The following TRMT11 variants were observed in gnomAD, a reference collection of about 807,000 sequenced individuals.
TRMT11 encodes tRNA methyltransferase 11.
In TRMT11, 53 loss-of-function variants were observed where a neutral mutation model predicts 62.8. The ratio of observed to expected loss-of-function variants is 0.84; its 90% CI spans 0.68 to 1.06. TRMT11 has a LOEUF of 1.06. Among genes scored for constraint, TRMT11 ranks in the 50% least tolerant of loss-of-function variants. The pLI, the probability that TRMT11 is intolerant of heterozygous loss-of-function variation, is 0.00. For synonymous variants in TRMT11, 188 were observed against 190.3 expected (o/e 0.99, Z 0.10); for missense variants, 556 against 553.4 (o/e 1.00, Z -0.05).
intron 9 of TRMT11, among the ~76,000 whole-genome samples, chr6:126,011,786 G>A (rs907766643): frequency 1.3e-5 from 2 of 151,998 alleles, no homozygotes; most frequent in African/African-American, 4.8e-5. Context: ...TTGCAATTAT[G>A]GTGTCAAATT....
intron 21 of TRMT11, among the ~76,000 whole-genome samples, chr6:126,151,886 T>TC: frequency 5.0e-5 from 4 of 79,818 alleles, no homozygotes; most frequent in African/African-American, 7.4e-5. Context: ...CCTTCCTTCC[T>TC]TGTCTTTTTC....
chr6:126,220,824 G>A, the TRMT11 span, among the ~76,000 whole-genome samples: 1 of 151,822 alleles, frequency 6.6e-6, no homozygotes, highest in South Asian at 2.1e-4. Context: ...TAAATTGCAT[G>A]TCATGGGGTT....
the TRMT11 span, among the ~76,000 whole-genome samples, chr6:126,217,634 G>C: frequency 6.6e-6 from 1 of 152,192 alleles, no homozygotes; most frequent in Non-Finnish European, 1.5e-5. Context: ...GGAGCTGGGG[G>C]AGGGGTGACA....
At chr6:126,205,735 A>C (rs1449512602), downstream of TRMT11, among the ~76,000 whole-genome samples, 2 of 152,104 alleles carry the variant, frequency 1.3e-5, no homozygotes, top group Non-Finnish European at 2.9e-5. Flanking sequence ...GTGTATTCTT[A>C]TCTCTCTTTC....
chr6:125,990,621 C>A (rs2128733650), intron 1 of TRMT11, among the ~76,000 whole-genome samples: 1 of 152,240 alleles, frequency 6.6e-6, no homozygotes, highest in South Asian at 2.1e-4. Context: ...AATTAGATGG[C>A]CAGCTTTTCT....
chr6:126,021,606 T>TA (rs1795819395), intron 12 of TRMT11, among the ~76,000 whole-genome samples: 1 of 152,206 alleles, frequency 6.6e-6, no homozygotes, highest in African/African-American at 2.4e-5. Flanking sequence ...ATGTCCTAGT[T>TA]ACCATTTTTC....
At chr6:126,082,803 T>A (rs1227938590) in intron 17 of TRMT11, among the ~76,000 whole-genome samples, 1 of 152,104 alleles carries the variant, frequency 6.6e-6, no homozygotes, top group Non-Finnish European at 1.5e-5. Flanking sequence ...TTTCAACAGA[T>A]AAAGAAGCAG....
chr6:126,009,542 A>G (rs1793871610), intron 8 of TRMT11: 1 of 151,972 alleles, frequency 6.6e-6, no homozygotes, highest in Non-Finnish European at 1.5e-5. Context: ...CCTTTTCCTC[A>G]CCCAGTATAA....
chr6:126,149,398 T>C (rs1461014197), intron 21 of TRMT11, among the ~76,000 whole-genome samples: 1 of 152,218 alleles, frequency 6.6e-6, no homozygotes, highest in Non-Finnish European at 1.5e-5. Flanking sequence ...GGGGTCATCT[T>C]ATGGGGCATC....
chr6:126,134,629 G>A (rs968789021), intron 21 of TRMT11, among the ~76,000 whole-genome samples: 2 of 151,820 alleles, frequency 1.3e-5, no homozygotes, highest in African/African-American at 2.4e-5. Flanking sequence ...TGACTGTATT[G>A]TAGATTAAAT....
intron 17 of TRMT11, among the ~76,000 whole-genome samples, chr6:126,108,386 T>TTAACA (rs1308187842): frequency 2.0e-5 from 3 of 152,248 alleles, no homozygotes; most frequent in African/African-American, 7.2e-5. Context: ...TATGAAGTTC[T>TTAACA]TAACATATTT....
intron 17 of TRMT11, among the ~76,000 whole-genome samples, chr6:126,112,099 G>C (rs1172130716): frequency 6.6e-6 from 1 of 152,086 alleles, no homozygotes; most frequent in African/African-American, 2.4e-5. Context: ...GCCCAAACTG[G>C]AGTATATTCT....
chr6:125,995,288 G>A (rs1182062122), intron 2 of TRMT11, among the ~76,000 whole-genome samples: 3 of 152,140 alleles, frequency 2.0e-5, no homozygotes, highest in South Asian at 2.1e-4. Context: ...GGAGAGTGCG[G>A]ATATAATTGG....
At chr6:126,230,707 G>A in the TRMT11 span, among the ~76,000 whole-genome samples, 1 of 152,048 alleles carries the variant, frequency 6.6e-6, no homozygotes, top group Admixed American at 6.5e-5. Flanking sequence ...GGTGGTATGC[G>A]ACTTTCACCA....
intron 1 of TRMT11, among the ~76,000 whole-genome samples, chr6:125,987,667 A>G (rs1228385078): frequency 6.6e-6 from 1 of 152,196 alleles, no homozygotes; most frequent in Non-Finnish European, 1.5e-5. Flanking sequence ...AGAGGATGGG[A>G]TAGACTGGGA....
In TRMT11 at chr6:126,163,426, T is replaced by C. The variant is rs558695962; in HGVS notation, c.*1824-11399T>C. ...GCCGACTTGATCATGGTGGATAAGC[T>C]TTTTAATGTGCTGCTGGATTTGGTT... On this transcript the variant is annotated intron_variant and NMD_transcript_variant, in intron 21 of 22. Coordinates refer to the TRMT11 transcript ENST00000648977. Among the ~76,000 whole-genome samples the C allele has an allele frequency of 3.3e-5, 5 of 152,338 alleles. No homozygotes were observed. The South Asian group carries it at 1.0e-3, about 32-fold the overall frequency.
intron 12 of TRMT11, among the ~76,000 whole-genome samples, chr6:126,030,393 T>G (rs1773975554): frequency 6.6e-6 from 1 of 152,156 alleles, no homozygotes; most frequent in Non-Finnish European, 1.5e-5. Context: ...CTCTGCTGAT[T>G]AAAAGAAAAT....
chr6:126,262,538 GAC>G, the TRMT11 span, among the ~76,000 whole-genome samples: 1 of 152,130 alleles, frequency 6.6e-6, no homozygotes, highest in Non-Finnish European at 1.5e-5. Context: ...CCCAGGACAG[GAC>G]ACACTCTAGC....
At chr6:126,189,457 A>G (rs1778568155) in intron 1 of TRMT11, among the ~76,000 whole-genome samples, 1 of 152,194 alleles carries the variant, frequency 6.6e-6, no homozygotes. Flanking sequence ...AGGCAAAAAT[A>G]TCTTGCATTT....
Sources: gnomAD v4.1 joint callset for allele counts (sites outside exome capture counted in the v4.1 genomes callset) on GRCh38, gnomAD v4.1.1 for gene constraint, MANE v1.5 for transcripts, NCBI Gene and HGNC (gene_info 2026-07-23, HGNC 2026-07-21) for gene names.